ANKRD50: variants seen among roughly 807,000 people sequenced by gnomAD.
ANKRD50 encodes the protein ankyrin repeat domain-containing protein 50.
ANKRD50 carries 40 observed loss-of-function variants against 112.0 expected under a neutral mutation model. The observed-to-expected ratio is 0.36, with a 90% CI of 0.28 to 0.46. The LOEUF (loss-of-function observed/expected upper bound fraction) is 0.46, where lower values mean the gene tolerates loss of function less well. Among genes scored for constraint, ANKRD50 ranks in the 20% least tolerant of loss-of-function variants. The pLI is 1.00. For missense variants in ANKRD50, 1,487 were observed against 1,701.7 expected (o/e 0.87, Z 2.22); for synonymous variants, 613 against 619.1 (o/e 0.99, Z 0.15).
chr4:124,672,197 G>A lies in ANKRD50; in HGVS notation c.1080C>T (p.Ala360=), dbSNP rs1315649673. ...ATTCCGTTATGGTCAAAGGTCGGCA[G>A]GCTGCAAGAATCACATTCAAAATAG... ...VQPILNVILA[A]CRPLTITELY... The change falls in exon 4 of 5, where the codon GCC becomes GCT. Residue 360 remains alanine, a synonymous_variant. Coordinates refer to ENST00000504087, the MANE Select transcript of ANKRD50 (RefSeq NM_020337.3). The A allele has an allele frequency of 8.1e-6, 13 of 1,613,844 alleles. No individual in the cohort carries two copies. Among genetic ancestry groups the A allele is most frequent in the Non-Finnish European group, 1.0e-5 (12 of 1,179,860 alleles).
rs181647409 is a variant in ANKRD50 at position 124,669,334 on chromosome 4, T to C, written c.3943A>G (p.Thr1315Ala). Residue 1315 changes from threonine (T) to alanine (A), a missense_variant, in exon 4 of 5, where the codon ACT becomes GCT. This residue lies in a region of ANKRD50 where 441 missense variants were observed against 432.2 expected (regional missense o/e 1.02). Transcript: ENST00000504087. ...DRRGPIAKSG[T>A]AAPPKQMPAE... ...GGCATTTGTTTAGGTGGTGCAGCAG[T>C]CCCGGATTTGGCTATAGGTCCTCTT... 173 of 1,613,720 alleles carry C rather than the reference T, an allele frequency of 1.1e-4. 1 individual carries two copies. The Middle Eastern group carries it at 3.0e-3, about 28-fold the overall frequency.
rs6820002 is a variant in ANKRD50 at position 124,710,044 on chromosome 4, T to C, written c.468A>G (p.Leu156=). 27,543 of 1,614,178 alleles carry C rather than the reference T, an allele frequency of 0.017. 324 individuals are homozygous for C. Among genetic ancestry groups the C allele is most frequent in the Non-Finnish European group, 0.02 (23,248 of 1,180,024 alleles). The change falls in exon 2 of 5, where the codon TTA becomes TTG. Residue 156 remains leucine (L), a synonymous_variant. Coordinates refer to ENST00000504087, the MANE Select transcript of ANKRD50 (RefSeq NM_020337.3). ...GGTTTCTCTCGCACTCCCCAGGCTG[T>C]AAGAGGCTTTGGACTGCTGGATCCC... is the stretch of plus-strand genomic sequence containing the variant. The part of the protein sequence containing the change: ...KLRDPAVQSL[L]QPGECERNPA...
chr4:124,705,251 G>C (rs945004171), intron 2 of ANKRD50, among the ~76,000 whole-genome samples: 3 of 152,210 alleles, frequency 2.0e-5, no homozygotes, highest in Non-Finnish European at 4.4e-5. Flanking sequence ...ACAAATGTCA[G>C]TATTTGGTCT....
At chr4:124,684,992 A>G (rs1405768726) in intron 2 of ANKRD50, among the ~76,000 whole-genome samples, 3 of 152,172 alleles carry the variant, frequency 2.0e-5, no homozygotes, top group African/African-American at 7.2e-5. Context: ...TTTCAGCACA[A>G]GTTTTACTCC....
At chr4:124,708,372 TAAC>T (rs1327440422) in intron 2 of ANKRD50, among the ~76,000 whole-genome samples, 1 of 152,284 alleles carries the variant, frequency 6.6e-6, no homozygotes, top group East Asian at 1.9e-4. Context: ...CTTTGATGGC[TAAC>T]AACAAAAGAT....
In ANKRD50 at chr4:124,672,481, C is replaced by T. The variant is rs762939714; in HGVS notation, c.796G>A (p.Val266Ile). ...DLRKAYIVKD[V>I]QQYILHRLDQ... ...AAACGATGAAGAATGTACTGCTGAA[C>T]ATCCTTGACGATATATGCCTTCCGA... The change falls in exon 4 of 5, where the codon GTT (valine) becomes ATT (isoleucine). Residue 266 changes from valine to isoleucine, a missense_variant. Physicochemically the swap from Val to Ile is conservative, Grantham distance 29 (BLOSUM62 3). Around this residue, in one of 2 missense-constraint regions of ANKRD50, gnomAD observed 1,046 missense variants for 1,269.5 expected, o/e 0.82. Transcript: ENST00000504087. 1 of 1,609,566 alleles carries T rather than the reference C, an allele frequency of 6.2e-7. No individual in the cohort carries two copies. The highest frequency in any genetic ancestry group is 8.5e-7 in the Non-Finnish European group (1 of 1,178,394).
At chr4:124,706,893 T>C (rs938135018) in intron 2 of ANKRD50, among the ~76,000 whole-genome samples, 1 of 152,090 alleles carries the variant, frequency 6.6e-6, no homozygotes, top group African/African-American at 2.4e-5. Flanking sequence ...ATATATCATG[T>C]AATTTATTGA....
intron 2 of ANKRD50, among the ~76,000 whole-genome samples, chr4:124,708,257 T>C (rs1373744258): frequency 6.6e-6 from 1 of 152,134 alleles, no homozygotes; most frequent in African/African-American, 2.4e-5. Context: ...GTACAGTGAT[T>C]CCATATTGAA....
At chr4:124,697,509 G>C (rs1725280417) in intron 2 of ANKRD50, among the ~76,000 whole-genome samples, 1 of 152,082 alleles carries the variant, frequency 6.6e-6, no homozygotes, top group Non-Finnish European at 1.5e-5. Context: ...AAGAAAGCAG[G>C]TAAGTTATAA....
intron 1 of ANKRD50, among the ~76,000 whole-genome samples, 175 bp downstream of exon 1, chr4:124,712,283 T>G (rs1560605028): frequency 6.6e-6 from 1 of 151,708 alleles, no homozygotes. Context: ...TCCCGCCCCA[T>G]GCCCCGCTCC....
chr4:124,678,303 GA>G (rs886882614), intron 3 of ANKRD50, among the ~76,000 whole-genome samples: 5 of 149,576 alleles, frequency 3.3e-5, no homozygotes, highest in Admixed American at 1.3e-4. Flanking sequence ...GTAAGAGAAA[GA>G]AAAAAAAAGA....
chr4:124,676,610 A>G (rs1730780746), intron 3 of ANKRD50, among the ~76,000 whole-genome samples: 1 of 151,714 alleles, frequency 6.6e-6, no homozygotes, highest in African/African-American at 2.4e-5. Flanking sequence ...TTTACAGATT[A>G]TTCAAGTTAG....
chr4:124,709,838 CCTTT>C (rs1725588256), intron 2 of ANKRD50, among the ~76,000 whole-genome samples, 158 bp downstream of exon 2: 1 of 152,106 alleles, frequency 6.6e-6, no homozygotes, highest in Non-Finnish European at 1.5e-5. Context: ...AATTTTACTT[CCTTT>C]GATATTCAAA....
At position 124,664,052 on chromosome 4, in the gene ANKRD50, CTGAG is replaced by C. The variant is rs755775810; in HGVS notation, c.*3462_*3465del. 8 of 152,054 alleles carry C rather than the reference CTGAG, an allele frequency of 5.3e-5. No individual in the cohort carries two copies. In the East Asian group the frequency reaches 1.6e-3, roughly 30 times the overall value. The allele number at this position is 152,054 out of a possible 1,614,324, so 9.4% of individuals were successfully genotyped here. A position where few individuals can be genotyped will look rare whatever the true frequency, so the allele number is the denominator to read the frequency against. ...GTCATGAAGAAGTGACGCAAGTTTA[CTGAG>C]TGAAGAAACACACAAATTTTATTTA... On this transcript the variant is annotated 3_prime_UTR_variant, in exon 5 of 5. Transcript: ENST00000504087.
chr4:124,687,147 T>C (rs1469526846), intron 2 of ANKRD50, among the ~76,000 whole-genome samples: 3 of 152,256 alleles, frequency 2.0e-5, no homozygotes, highest in Non-Finnish European at 4.4e-5. Flanking sequence ...GTATGCTATG[T>C]ATTTGTTAAA....
chr4:124,696,720 G>A (rs2110523010), intron 2 of ANKRD50, among the ~76,000 whole-genome samples: 1 of 152,072 alleles, frequency 6.6e-6, no homozygotes, highest in Non-Finnish European at 1.5e-5. Flanking sequence ...ATGCCATTAA[G>A]TTTTTTTGTC....
chr4:124,702,067 T>C (rs1254498147), intron 2 of ANKRD50, among the ~76,000 whole-genome samples: 1 of 152,190 alleles, frequency 6.6e-6, no homozygotes, highest in Non-Finnish European at 1.5e-5. Context: ...GAAGCTTTAA[T>C]ATGTCTCATA....
chr4:124,670,541 A>G lies in ANKRD50; in HGVS notation c.2736T>C (p.Asp912=), dbSNP rs147157872. Residue 912 remains aspartate, a synonymous_variant, in exon 4 of 5, where the codon GAT becomes GAC. Coordinates refer to ENST00000504087, the MANE Select transcript of ANKRD50 (RefSeq NM_020337.3). ...CAGCAACCCGCAGTGCATTTCTTCC[A>G]TCATAACCTCTTTGATCAATGTTGG... is the stretch of plus-strand genomic sequence containing the variant. The part of the protein sequence containing the change: ...NKSNIDQRGY[D]GRNALRVAAL... The G allele has an allele frequency of 1.4e-5, 22 of 1,613,310 alleles. No homozygotes were observed. The highest frequency in any genetic ancestry group is 1.8e-5 in the Non-Finnish European group (21 of 1,179,746).
chr4:124,712,235 A>G (rs1053454695), intron 1 of ANKRD50, among the ~76,000 whole-genome samples: 1 of 151,936 alleles, frequency 6.6e-6, no homozygotes, highest in Non-Finnish European at 1.5e-5. Flanking sequence ...CCAATCCCAG[A>G]CGAGGGGTCG....
Sources: gnomAD v4.1 joint callset for allele counts (sites outside exome capture counted in the v4.1 genomes callset) on GRCh38, gnomAD v4.1.1 for gene constraint, gnomAD v4.1.1 regional missense constraint, MANE v1.5 for transcripts, NCBI Gene and HGNC (gene_info 2026-07-23, HGNC 2026-07-21) for gene names.